The following COL26A1 variants were observed in gnomAD, a reference collection of about 807,000 sequenced individuals.
COL26A1 encodes collagen type XXVI alpha 1 chain, also known as collagen alpha-1(XXVI) chain.
COL26A1 carries 41 observed loss-of-function variants against 59.3 expected under a neutral mutation model. The ratio of observed to expected loss-of-function variants is 0.69; its 90% CI spans 0.54 to 0.90. The LOEUF is 0.90. COL26A1 is among the 40% of genes least tolerant of loss of function. COL26A1 has a pLI of 0.00. For synonymous variants in COL26A1, 266 were observed against 256.0 expected, an observed-to-expected ratio of 1.04 and a Z score of -0.37; for missense variants, 612 against 602.3, an observed-to-expected ratio of 1.02 and a Z score of -0.17.
intron 10 of COL26A1, 64 bp downstream of exon 10, chr7:101,551,207 G>T: frequency 7.3e-7 from 1 of 1,377,946 alleles, no homozygotes; most frequent in Non-Finnish European, 1.0e-6. Flanking sequence ...TGCAAGCCCA[G>T]GGCACTGGGT....
intron 1 of COL26A1, among the ~76,000 whole-genome samples, chr7:101,419,529 G>A (rs1344893298): frequency 6.6e-6 from 1 of 151,998 alleles, no homozygotes; most frequent in Non-Finnish European, 1.5e-5. Context: ...CCCACACATT[G>A]GTCAGTTGGT....
At chr7:101,494,962 G>A (rs1794549757) in intron 3 of COL26A1, among the ~76,000 whole-genome samples, 1 of 152,136 alleles carries the variant, frequency 6.6e-6, no homozygotes, top group Non-Finnish European at 1.5e-5. Flanking sequence ...TCTCAGCCCT[G>A]GGCTTCCTTC....
chr7:101,479,571 G>A (rs1423942668), intron 3 of COL26A1, among the ~76,000 whole-genome samples: 1 of 152,146 alleles, frequency 6.6e-6, no homozygotes, highest in African/African-American at 2.4e-5. Context: ...ATTCTGCAGA[G>A]CCACTATGAT....
intron 7 of COL26A1, among the ~76,000 whole-genome samples, chr7:101,545,722 A>G (rs140966706): frequency 2.6e-4 from 40 of 152,302 alleles, no homozygotes; most frequent in Admixed American, 6.5e-4. Flanking sequence ...CCTGGGGCTA[A>G]GCATCCTCAA....
At chr7:101,556,274 A>G (rs1795973662) in intron 12 of COL26A1, among the ~76,000 whole-genome samples, 1 of 152,230 alleles carries the variant, frequency 6.6e-6, no homozygotes, top group Non-Finnish European at 1.5e-5. Flanking sequence ...GGAGGCTTCC[A>G]TTCCATGCTG....
At chr7:101,412,637 T>G (rs1025834723) in intron 1 of COL26A1, among the ~76,000 whole-genome samples, 2 of 107,890 alleles carry the variant, frequency 1.9e-5, no homozygotes, top group African/African-American at 7.6e-5. Flanking sequence ...AGAGCGAGAC[T>G]CCGTCTCAAA....
chr7:101,366,734 C>T (rs1465292493), intron 1 of COL26A1, among the ~76,000 whole-genome samples: 1 of 151,982 alleles, frequency 6.6e-6, no homozygotes, highest in African/African-American at 2.4e-5. Flanking sequence ...CTCCTGGCTT[C>T]AAGTAATCCT....
intron 1 of COL26A1, among the ~76,000 whole-genome samples, chr7:101,392,045 G>A (rs1489969931): frequency 2.0e-5 from 3 of 152,088 alleles, no homozygotes; most frequent in Non-Finnish European, 4.4e-5. Context: ...AGTCCAGCAG[G>A]GCAGTGTGTG....
At chr7:101,515,056 A>T (rs776168642) in intron 3 of COL26A1, among the ~76,000 whole-genome samples, 1 of 152,156 alleles carries the variant, frequency 6.6e-6, no homozygotes, top group South Asian at 2.1e-4. Context: ...CTGGGATAAG[A>T]CCAGTGTGGA....
intron 1 of COL26A1, among the ~76,000 whole-genome samples, chr7:101,379,886 C>G (rs1452112236): frequency 6.6e-6 from 1 of 152,220 alleles, no homozygotes; most frequent in Non-Finnish European, 1.5e-5. Context: ...TAATCCACCC[C>G]TTGTTTAGCA....
chr7:101,385,386 T>TATATATATATATATATATATA (rs58580713), intron 1 of COL26A1, among the ~76,000 whole-genome samples: 26 of 149,738 alleles, frequency 1.7e-4, no homozygotes, highest in Middle Eastern at 3.5e-3. Flanking sequence ...TATATATATA[T>TATATATATATATATATATATA]TTGTGACGGA....
chr7:101,424,545 C>T (rs924601112), intron 2 of COL26A1, among the ~76,000 whole-genome samples: 33 of 152,150 alleles, frequency 2.2e-4, no homozygotes, highest in African/African-American at 7.7e-4. Context: ...CTGCACTGAG[C>T]CAAGATCATG....
At chr7:101,367,655 ACT>A (rs1791079433) in intron 1 of COL26A1, among the ~76,000 whole-genome samples, 1 of 142,662 alleles carries the variant, frequency 7.0e-6, no homozygotes, top group Non-Finnish European at 1.5e-5. Context: ...ACAGAGTGAG[ACT>A]CTGTCTCAAA....
intron 2 of COL26A1, among the ~76,000 whole-genome samples, chr7:101,434,136 CTCTG>C (rs1302878916): frequency 1.5e-5 from 1 of 67,588 alleles, no homozygotes; most frequent in Non-Finnish European, 2.8e-5. Flanking sequence ...TTTCTTCTTT[CTCTG>C]TCTCTCTTTC....
At chr7:101,483,990 A>T (rs896496695) in intron 3 of COL26A1, among the ~76,000 whole-genome samples, 7 of 127,926 alleles carry the variant, frequency 5.5e-5, no homozygotes, top group African/African-American at 2.1e-4. Context: ...AACTTTTTAA[A>T]GTGTGTGTGT....
intron 2 of COL26A1, among the ~76,000 whole-genome samples, chr7:101,435,141 A>G (rs1025238368): frequency 6.6e-6 from 1 of 152,168 alleles, no homozygotes; most frequent in Non-Finnish European, 1.5e-5. Flanking sequence ...CCTGGCCAAC[A>G]TAGTGAAACC....
chr7:101,441,518 A>G (rs1386258802), intron 2 of COL26A1, among the ~76,000 whole-genome samples: 2 of 152,092 alleles, frequency 1.3e-5, no homozygotes, highest in African/African-American at 4.8e-5. Flanking sequence ...GGGTTTCACC[A>G]TGTTGGCCAG....
rs1441068940 is a variant in COL26A1, at chr7:101,519,598, TG to T, written c.386-13479del. ...GAGATCCCACTCAGCCACTGCCAGCTGGGGGACACTGAACAGGGAGCGGGGT... is the reference window on the plus strand; with the variant it reads ...GAGATCCCACTCAGCCACTGCCAGCTGGGGACACTGAACAGGGAGCGGGGT... On this transcript the variant is annotated intron_variant, in intron 3 of 12. Coordinates refer to ENST00000313669, the MANE Select transcript of COL26A1 (RefSeq NM_001278563.3). Among the ~76,000 whole-genome samples, 11 of 152,292 alleles carry T rather than the reference TG, an allele frequency of 7.2e-5. No individual in the cohort carries two copies. In the East Asian group the frequency reaches 9.7e-4, roughly 13 times the overall value.
At chr7:101,427,755 G>C (rs1281439845) in intron 2 of COL26A1, among the ~76,000 whole-genome samples, 1 of 152,060 alleles carries the variant, frequency 6.6e-6, no homozygotes, top group Non-Finnish European at 1.5e-5. Flanking sequence ...ATCCACCTGG[G>C]CTTCCCAAAG....
Sources: gnomAD v4.1 joint callset for allele counts (sites outside exome capture counted in the v4.1 genomes callset) on GRCh38, gnomAD v4.1.1 for gene constraint, MANE v1.5 for transcripts, NCBI Gene and HGNC (gene_info 2026-07-23, HGNC 2026-07-21) for gene names.